The following STMN4 variants were observed in gnomAD, a reference collection of about 807,000 sequenced individuals.
STMN4 encodes stathmin 4.
A neutral mutation model predicts 29.1 loss-of-function variants in STMN4; 12 were observed. The ratio of observed to expected loss-of-function variants is 0.41; its 90% CI spans 0.26 to 0.67. The LOEUF is 0.67. STMN4 is among the 30% of genes least tolerant of loss of function. The probability of loss-of-function intolerance (pLI) is 0.30; values close to 1 mark genes in which losing one functional copy is unlikely to be tolerated. For synonymous variants in STMN4, 114 were observed against 105.3 expected, an observed-to-expected ratio of 1.08 and a Z score of -0.51; for missense variants, 181 against 262.8, an observed-to-expected ratio of 0.69 and a Z score of 2.15.
intron 1 of STMN4, among the ~76,000 whole-genome samples, chr8:27,251,771 A>G (rs988570688): frequency 6.7e-6 from 1 of 150,212 alleles, no homozygotes. Context: ...GGGAATCTAC[A>G]TTTAAAAAAA....
intron 4 of STMN4, 127 bp from the exon 5 acceptor site, chr8:27,241,389 T>C: frequency 9.0e-7 from 1 of 1,114,298 alleles, no homozygotes; most frequent in South Asian, 1.4e-5. Context: ...GGGGTCTGGC[T>C]TAGTCCTACA....
At chr8:27,251,975 A>G (rs1801802478) in intron 1 of STMN4, among the ~76,000 whole-genome samples, 1 of 150,988 alleles carries the variant, frequency 6.6e-6, no homozygotes, top group South Asian at 2.1e-4. Flanking sequence ...CCCATTCCAC[A>G]ACAGTCCCCA....
intron 1 of STMN4, among the ~76,000 whole-genome samples, chr8:27,249,270 G>A (rs1343501210): frequency 6.6e-6 from 1 of 152,116 alleles, no homozygotes; most frequent in Non-Finnish European, 1.5e-5. Flanking sequence ...ATTTCACCCA[G>A]AACATTTGAA....
chr8:27,238,343 C>G (rs1801368730), intron 6 of STMN4, among the ~76,000 whole-genome samples: 1 of 152,222 alleles, frequency 6.6e-6, no homozygotes, highest in African/African-American at 2.4e-5. Flanking sequence ...ACACCCAACT[C>G]TCACCCAACC....
chr8:27,237,965 A>G (rs1801357421), intron 6 of STMN4, among the ~76,000 whole-genome samples: 1 of 152,174 alleles, frequency 6.6e-6, no homozygotes, highest in East Asian at 1.9e-4. Context: ...AGAGCCTGGC[A>G]CTGTCACATC....
At chr8:27,255,376 T>C (rs1199315689) in intron 1 of STMN4, among the ~76,000 whole-genome samples, 3 of 152,220 alleles carry the variant, frequency 2.0e-5, no homozygotes, top group East Asian at 1.9e-4. Flanking sequence ...GGGAACTCTA[T>C]GTTTCCAAAT....
chr8:27,244,149 G>A (rs1173613765), intron 1 of STMN4, among the ~76,000 whole-genome samples: 4 of 152,222 alleles, frequency 2.6e-5, no homozygotes, highest in African/African-American at 9.6e-5. Context: ...GGGTTAGGGT[G>A]AGAAGCAAAT....
intron 6 of STMN4, among the ~76,000 whole-genome samples, chr8:27,238,852 T>C (rs1008866728): frequency 1.2e-4 from 18 of 152,280 alleles, no homozygotes; most frequent in Non-Finnish European, 2.9e-5. Context: ...GAAAGTATTT[T>C]GCAAAGAGTC....
chr8:27,241,231 A>C lies in STMN4; in HGVS notation c.222T>G (p.Ile74Met). Residue 74 changes from isoleucine (I) to methionine (M), a missense_variant, in exon 5 of 7, where the codon ATT becomes ATG. By Grantham distance (10) the Ile-to-Met change is conservative. Transcript: ENST00000350889. ...TCAGCTCGATGACTTCCATGTCGGAAATGACGCACCAATTCAGGTCCACCG... is the reference window on the plus strand; with the variant it reads ...TCAGCTCGATGACTTCCATGTCGGACATGACGCACCAATTCAGGTCCACCG... ...ADTVDLNWCV[I>M]SDMEVIELNK... The C allele has an allele frequency of 6.2e-7, 1 of 1,614,190 alleles. No individual in the cohort carries two copies. Among genetic ancestry groups the C allele is most frequent in the South Asian group, 1.1e-5 (1 of 91,082 alleles).
chr8:27,236,761 A>T lies in STMN4; in HGVS notation c.*85T>A, dbSNP rs1801320247. Reference sequence around the variant, plus strand: ...CCTCCCCCCAAACCCCAGTGCTGGGAGCGCAGCCGGCGGGCGAGGCTGCCT... The same window carrying T: ...CCTCCCCCCAAACCCCAGTGCTGGGTGCGCAGCCGGCGGGCGAGGCTGCCT... On this transcript the variant is annotated 3_prime_UTR_variant, in exon 7 of 7. Transcript: ENST00000350889. The T allele has an allele frequency of 9.2e-7, 1 of 1,089,552 alleles. No individual in the cohort carries two copies. Among genetic ancestry groups the T allele is most frequent in the Non-Finnish European group, 1.3e-6 (1 of 789,090 alleles). 67.5% of individuals were successfully genotyped at this position (1,089,552 alleles called of 1,614,324 possible). A position where few individuals can be genotyped will look rare whatever the true frequency, so the allele number is the denominator to read the frequency against.
rs757023251 is a variant in STMN4 at position 27,241,691 on chromosome 8, T to A, written c.176A>T (p.Glu59Val). ...CTCCCTCCTACCCTGAGCTCTTCTT[T>A]CTCTCCAGTCAGCACTGTCTTTCCG... is the stretch of plus-strand genomic sequence containing the variant. The part of the protein sequence containing the change: ...SQRKDSADWR[E>V]RRAQADTVDL... Residue 59 changes from glutamate (E) to valine (V), a missense_variant, in exon 4 of 7, where the codon GAA becomes GTA. Glu to Val is a moderately radical substitution (Grantham distance 121). Coordinates refer to ENST00000350889, the MANE Select transcript of STMN4 (RefSeq NM_030795.4). 1.2e-6 allele frequency: 2 copies of A among 1,614,150 alleles called. No homozygotes were observed. Among genetic ancestry groups the A allele is most frequent in the South Asian group, 2.2e-5 (2 of 91,068 alleles).
intron 1 of STMN4, among the ~76,000 whole-genome samples, chr8:27,250,288 G>C (rs1470121557): frequency 6.6e-6 from 1 of 152,226 alleles, no homozygotes; most frequent in African/African-American, 2.4e-5. Context: ...TGGCAGCCAT[G>C]TGTCTTCTTT....
At chr8:27,239,104 GCTCC>G in intron 6 of STMN4, 1 of 1,221,030 alleles carries the variant, frequency 8.2e-7, no homozygotes, top group South Asian at 1.6e-5. Flanking sequence ...GTGCTGGCCA[GCTCC>G]AGGGCCTACG....
intron 1 of STMN4, 29 bp from the exon 2 acceptor site, chr8:27,243,830 C>T (rs1801547781): frequency 6.3e-7 from 1 of 1,593,432 alleles, no homozygotes; most frequent in South Asian, 1.1e-5. Flanking sequence ...AGGATTTTAC[C>T]ATCGATGGAT....
chr8:27,242,830 C>T (rs1801515430), intron 2 of STMN4, among the ~76,000 whole-genome samples: 1 of 152,206 alleles, frequency 6.6e-6, no homozygotes, highest in Non-Finnish European at 1.5e-5. Flanking sequence ...CATCCCCCAA[C>T]ATCTGCCCCA....
chr8:27,251,081 TA>T, intron 1 of STMN4, among the ~76,000 whole-genome samples: 1 of 152,130 alleles, frequency 6.6e-6, no homozygotes, highest in East Asian at 1.9e-4. Context: ...ACCCCATCTC[TA>T]CTAAAAATAC....
At chr8:27,251,031 G>A (rs1801766234) in intron 1 of STMN4, among the ~76,000 whole-genome samples, 1 of 152,126 alleles carries the variant, frequency 6.6e-6, no homozygotes, top group Admixed American at 6.6e-5. Context: ...GGCAAATCAT[G>A]AGGTCAGGAG....
At chr8:27,239,862 TTGCCTGAGGC>T in intron 6 of STMN4, 99 bp downstream of exon 6, 1 of 1,577,916 alleles carries the variant, frequency 6.3e-7, no homozygotes. Context: ...ATCCTGATTT[TTGCCTGAGGC>T]TGCTTCCTCC....
chr8:27,241,241 C>A lies in STMN4; in HGVS notation c.212G>T (p.Trp71Leu). 1 of 1,614,150 alleles carries A rather than the reference C, an allele frequency of 6.2e-7. No homozygotes were observed. Among genetic ancestry groups the A allele is most frequent in the South Asian group, 1.1e-5 (1 of 91,082 alleles). ...RAQADTVDLNWCVISDMEVIE... is the reference protein window; with the variant it reads ...RAQADTVDLNLCVISDMEVIE... ...GACTTCCATGTCGGAAATGACGCACCAATTCAGGTCCACCGTGTCTGCTAC... is the reference window on the plus strand; with the variant it reads ...GACTTCCATGTCGGAAATGACGCACAAATTCAGGTCCACCGTGTCTGCTAC... Residue 71 changes from tryptophan to leucine, a missense_variant, in exon 5 of 7, where the codon TGG becomes TTG. Transcript: ENST00000350889.
Sources: allele counts gnomAD v4.1 joint callset (sites outside exome capture counted in the v4.1 genomes callset), GRCh38; gene constraint gnomAD v4.1.1; transcripts MANE v1.5; gene names NCBI Gene and HGNC (gene_info 2026-07-23, HGNC 2026-07-21).